Variants in ELMO1 observed in about 807,000 individuals in gnomAD.
The protein encoded by ELMO1 is engulfment and cell motility 1, also known as engulfment and cell motility protein 1.
In ELMO1, 26 loss-of-function variants were observed where a neutral mutation model predicts 98.9. The observed-to-expected ratio is 0.26, with a 90% CI of 0.19 to 0.36. The LOEUF is 0.36. ELMO1 is among the 10% of genes least tolerant of loss of function. The pLI, the probability that ELMO1 is intolerant of heterozygous loss-of-function variation, is 1.00. For synonymous variants in ELMO1, 346 were observed against 346.0 expected (o/e 1.00, Z 0.00); for missense variants, 627 against 935.2 (o/e 0.67, Z 4.30).
intron 17 of ELMO1, among the ~76,000 whole-genome samples, chr7:36,893,800 G>A (rs1256178346): frequency 6.6e-6 from 1 of 152,118 alleles, no homozygotes; most frequent in Non-Finnish European, 1.5e-5. Context: ...GCCTTTGCAT[G>A]GGAGTAAGGC....
chr7:37,444,603 C>T (rs1204946676), intron 1 of ELMO1, among the ~76,000 whole-genome samples: 6 of 152,084 alleles, frequency 3.9e-5, no homozygotes, highest in Non-Finnish European at 1.5e-5. Flanking sequence ...AGCTCTGCCT[C>T]CCGGGTTCAC....
In ELMO1 at chr7:37,077,158, T is replaced by C. The variant is rs1241769723; in HGVS notation, c.1300+19461A>G. Among the ~76,000 whole-genome samples, 3 of 152,180 alleles carry C rather than the reference T, an allele frequency of 2.0e-5. 1 individual carries two copies. Among genetic ancestry groups the C allele is most frequent in the African/African-American group, 7.2e-5 (3 of 41,444 alleles). On this transcript the variant is annotated intron_variant, in intron 15 of 21. Coordinates refer to ENST00000310758, the MANE Select transcript of ELMO1 (RefSeq NM_014800.11). ...AGAATTGGGATGGAACTGATACTAA[T>C]TATGGGGCAGATGGAGCTGGCGGGA...
At chr7:37,366,392 CGT>C (rs1562645752) in intron 1 of ELMO1, among the ~76,000 whole-genome samples, 11 of 152,108 alleles carry the variant, frequency 7.2e-5, no homozygotes, top group African/African-American at 2.7e-4. Context: ...CTTCATCACA[CGT>C]AGGGTCTCTG....
chr7:37,193,017 A>G (rs1388156340), intron 13 of ELMO1, among the ~76,000 whole-genome samples: 1 of 146,556 alleles, frequency 6.8e-6, no homozygotes, highest in East Asian at 2.0e-4. Flanking sequence ...ATACACACAC[A>G]CACATTTAAA....
chr7:37,154,097 A>T (rs1788559099), intron 13 of ELMO1, among the ~76,000 whole-genome samples: 1 of 152,186 alleles, frequency 6.6e-6, no homozygotes, highest in Non-Finnish European at 1.5e-5. Context: ...AAACTAACAA[A>T]CAGAAAGGAA....
At chr7:36,929,100 ACT>A (rs545713671) in intron 16 of ELMO1, among the ~76,000 whole-genome samples, 2 of 152,212 alleles carry the variant, frequency 1.3e-5, no homozygotes, top group South Asian at 2.1e-4. Flanking sequence ...CAAGTAGCAG[ACT>A]CTGCTAGAAC....
intron 16 of ELMO1, among the ~76,000 whole-genome samples, chr7:36,948,671 A>G (rs1294049138): frequency 6.6e-6 from 1 of 152,088 alleles, no homozygotes; most frequent in South Asian, 2.1e-4. Context: ...CCCTACAACT[A>G]TCTCCTTCCT....
At chr7:37,041,937 T>C (rs1182456343) in intron 15 of ELMO1, among the ~76,000 whole-genome samples, 1 of 152,158 alleles carries the variant, frequency 6.6e-6, no homozygotes, top group African/African-American at 2.4e-5. Flanking sequence ...ATCATTTACA[T>C]TTCACGATAT....
chr7:37,305,590 C>T (rs1353285481), intron 4 of ELMO1, among the ~76,000 whole-genome samples: 3 of 152,196 alleles, frequency 2.0e-5, no homozygotes, highest in African/African-American at 7.2e-5. Context: ...ATTCACTCTA[C>T]AATTTCTCCA....
In ELMO1 at chr7:37,404,723, C is replaced by G. The variant is rs374214929; in HGVS notation, c.-74+43952G>C. ...TTAGCATAAAAAGGAGATACTACAC[C>G]CCAGTACCAAAAGTTTCCTGGATCT... On this transcript the variant is annotated intron_variant, in intron 1 of 21. Transcript: ENST00000310758. Among the ~76,000 whole-genome samples, 18 of 152,146 alleles carry G rather than the reference C, an allele frequency of 1.2e-4. No homozygotes were observed. In the East Asian group the frequency reaches 1.7e-3, roughly 15 times the overall value.
chr7:37,422,079 GT>G (rs1420612525), intron 1 of ELMO1, among the ~76,000 whole-genome samples: 1 of 152,182 alleles, frequency 6.6e-6, no homozygotes, highest in Non-Finnish European at 1.5e-5. Flanking sequence ...CATCTGACTG[GT>G]TAGCTCTCAT....
intron 16 of ELMO1, among the ~76,000 whole-genome samples, chr7:36,967,419 T>G (rs1034616916): frequency 3.3e-5 from 5 of 152,178 alleles, no homozygotes; most frequent in African/African-American, 7.2e-5. Flanking sequence ...TGTCTTTAAT[T>G]AACAAGTGCC....
At position 37,310,897 on chromosome 7, in the gene ELMO1, G is replaced by A. The variant is rs554096294; in HGVS notation, c.192+3953C>T. The stretch of plus-strand genomic sequence containing the variant: ...ACACCAATACCTGCATCATTGGACT[G>A]TGATGAGGGTCATAAACTAACAATG... On this transcript the variant is annotated intron_variant, in intron 4 of 21. Coordinates refer to ENST00000310758, the MANE Select transcript of ELMO1 (RefSeq NM_014800.11). 7.2e-5 allele frequency among the ~76,000 whole-genome samples: 11 copies of A among 152,302 alleles called. No individual in the cohort carries two copies. In the South Asian group the frequency reaches 2.1e-3, roughly 29 times the overall value.
chr7:36,913,487 C>A (rs996727979), intron 16 of ELMO1, among the ~76,000 whole-genome samples: 2 of 152,192 alleles, frequency 1.3e-5, no homozygotes, highest in African/African-American at 4.8e-5. Flanking sequence ...CAGAGTTTGA[C>A]CAACTGAAGC....
At chr7:37,233,322 C>G (rs1794284761) in intron 7 of ELMO1, 128 bp from the exon 8 acceptor site, 1 of 715,266 alleles carries the variant, frequency 1.4e-6, no homozygotes, top group African/African-American at 1.8e-5. Flanking sequence ...AGCAGGACCA[C>G]AGGTGACTTC....
intron 6 of ELMO1, among the ~76,000 whole-genome samples, chr7:37,255,638 G>A (rs554150960): frequency 7.2e-5 from 11 of 152,228 alleles, no homozygotes; most frequent in East Asian, 1.9e-4. Context: ...TAAAGTAACC[G>A]TAATTACAAT....
At chr7:37,005,714 A>T (rs898089711) in intron 16 of ELMO1, among the ~76,000 whole-genome samples, 9 of 151,192 alleles carry the variant, frequency 6.0e-5, no homozygotes, top group African/African-American at 2.2e-4. Flanking sequence ...AAAAAAAAAA[A>T]AAAAGAGTCA....
chr7:37,171,483 A>T (rs13244214), intron 13 of ELMO1, among the ~76,000 whole-genome samples: 21,413 of 82,998 alleles, frequency 0.26, 3,433 homozygotes, highest in Middle Eastern at 0.47. Flanking sequence ...AGGCCTTTCT[A>T]TTTTTTTTTT....
chr7:36,945,777 A>AG (rs1186793030), intron 16 of ELMO1, among the ~76,000 whole-genome samples: 2 of 152,212 alleles, frequency 1.3e-5, no homozygotes, highest in Non-Finnish European at 2.9e-5. Flanking sequence ...TTTTAGCAAC[A>AG]GGGCCATGTG....
Sources: allele counts gnomAD v4.1 joint callset (sites outside exome capture counted in the v4.1 genomes callset), GRCh38; gene constraint gnomAD v4.1.1; transcripts MANE v1.5; gene names NCBI Gene and HGNC (gene_info 2026-07-23, HGNC 2026-07-21).